VPS45: variants seen among roughly 807,000 people sequenced by gnomAD.
The protein encoded by VPS45 is vacuolar protein sorting 45 homolog, also known as vacuolar protein sorting-associated protein 45.
Under a neutral mutation model 75.9 loss-of-function variants are expected in VPS45, and 35 were observed. The ratio of observed to expected loss-of-function variants is 0.46; its 90% CI spans 0.35 to 0.61. The LOEUF (loss-of-function observed/expected upper bound fraction) is 0.61. Among genes scored for constraint, VPS45 ranks in the 20% least tolerant of loss-of-function variants. The pLI is 0.00. For synonymous variants in VPS45, 220 were observed against 238.2 expected (o/e 0.92, Z 0.70); for missense variants, 559 against 685.9 (o/e 0.81, Z 2.07).
intron 14 of VPS45, among the ~76,000 whole-genome samples, chr1:150,128,302 T>TAAAAAAAAAAA (rs56026495): frequency 6.9e-6 from 1 of 145,332 alleles, no homozygotes; most frequent in African/African-American, 2.6e-5. Flanking sequence ...ACCCTTGTCT[T>TAAAAAAAAAAA]AAAAAAAAAA....
chr1:150,076,180 A>G lies in VPS45; in HGVS notation c.290-53A>G. 5 of 1,449,528 alleles carry G rather than the reference A, an allele frequency of 3.4e-6. 1 individual carries two copies. The South Asian group carries it at 6.4e-5, about 19-fold the overall frequency. 89.8% of individuals were successfully genotyped at this position (1,449,528 alleles called of 1,614,324 possible). A position where few individuals can be genotyped will look rare whatever the true frequency, so the allele number is the denominator to read the frequency against. On this transcript the variant is annotated intron_variant, in intron 3 of 14. Coordinates refer to ENST00000644510, the MANE Select transcript of VPS45 (RefSeq NM_007259.5). ...CTTTAACTATCAGGCCCTTTTACAT[A>G]TATTGCAGCAGAAATTATCTCCTTT...
chr1:150,084,750 A>T (rs1209497492), intron 10 of VPS45, among the ~76,000 whole-genome samples: 1 of 152,046 alleles, frequency 6.6e-6, no homozygotes, highest in Admixed American at 6.6e-5. Flanking sequence ...CTTATATCCT[A>T]CCTCTCCTTA....
intron 14 of VPS45, among the ~76,000 whole-genome samples, chr1:150,114,409 A>G (rs937177928): frequency 2.6e-5 from 4 of 151,504 alleles, no homozygotes; most frequent in African/African-American, 9.7e-5. Flanking sequence ...TGGAGGTTGC[A>G]GTGAGCCAAG....
intron 14 of VPS45, among the ~76,000 whole-genome samples, chr1:150,131,129 C>A (rs1018063310): frequency 1.3e-5 from 2 of 152,084 alleles, no homozygotes; most frequent in South Asian, 2.1e-4. Flanking sequence ...TTTATTATAC[C>A]TGTATAGTAT....
intron 14 of VPS45, among the ~76,000 whole-genome samples, chr1:150,141,358 G>A (rs55675915): frequency 0.022 from 3,277 of 152,240 alleles, 97 homozygotes; most frequent in African/African-American, 0.074. Flanking sequence ...GTGGAGTATA[G>A]TGAAAAAGGA....
chr1:150,142,384 A>G (rs1659434439), intron 14 of VPS45, among the ~76,000 whole-genome samples: 1 of 152,220 alleles, frequency 6.6e-6, no homozygotes, highest in Non-Finnish European at 1.5e-5. Flanking sequence ...TCTGACCTCC[A>G]ATTGTGTCTA....
intron 14 of VPS45, among the ~76,000 whole-genome samples, chr1:150,120,303 T>C (rs1163647125): frequency 6.6e-6 from 1 of 152,218 alleles, no homozygotes; most frequent in Non-Finnish European, 1.5e-5. Context: ...TTAATCATGG[T>C]TTCTCTATTT....
intron 14 of VPS45, chr1:150,142,873 G>A (rs1375799930): frequency 4.4e-5 from 20 of 450,012 alleles, no homozygotes; most frequent in Middle Eastern, 6.5e-4. Context: ...GCCTGGTTTC[G>A]AACTCCTGGG....
Position 150,092,086 on chromosome 1 carries a change from G to A in VPS45, c.1254G>A (p.Lys418=). The change falls in exon 11 of 15, where the codon AAG becomes AAA. Residue 418 remains lysine (K), a synonymous_variant. Coordinates refer to ENST00000644510, the MANE Select transcript of VPS45 (RefSeq NM_007259.5). ...MDLRNKGVSE[K]YRKLVSAVVE... Reference sequence around the variant, plus strand: ...TCAGGAATAAAGGTGTTTCTGAGAAGTATCGAAAGGTAACCAGTTTCCATA... The same window carrying A: ...TCAGGAATAAAGGTGTTTCTGAGAAATATCGAAAGGTAACCAGTTTCCATA... 1 of 1,612,944 alleles carries A rather than the reference G, an allele frequency of 6.2e-7. No homozygotes were observed. Among genetic ancestry groups the A allele is most frequent in the East Asian group, 2.2e-5 (1 of 44,868 alleles).
At chr1:150,116,602 A>G (rs1657944357) in intron 14 of VPS45, among the ~76,000 whole-genome samples, 1 of 152,164 alleles carries the variant, frequency 6.6e-6, no homozygotes, top group Non-Finnish European at 1.5e-5. Flanking sequence ...TTGAATGCCT[A>G]ATGCTGCATT....
At chr1:150,094,360 A>G (rs990277658) in intron 13 of VPS45, among the ~76,000 whole-genome samples, 3 of 152,206 alleles carry the variant, frequency 2.0e-5, no homozygotes, top group Non-Finnish European at 4.4e-5. Flanking sequence ...TACTGTTGAC[A>G]TAATTCTTCT....
rs1480273528 is a variant in VPS45 at position 150,092,872 on chromosome 1, C to T, written c.1371+463C>T. ...TTTTTTTTTTTTTGAGACGGAGTCT[C>T]GCTCTGTCTCCCAGGCTGGAGTGCA... On this transcript the variant is annotated intron_variant, in intron 12 of 14. Transcript: ENST00000644510. Among the ~76,000 whole-genome samples the T allele has an allele frequency of 4.4e-4, 50 of 112,732 alleles. No homozygotes were observed. The Admixed American group carries it at 6.0e-3, about 14-fold the overall frequency. 74.0% of individuals were successfully genotyped at this position (112,732 alleles called of 152,430 possible).
intron 13 of VPS45, among the ~76,000 whole-genome samples, chr1:150,102,252 AAAC>A (rs1279564620): frequency 2.8e-5 from 4 of 142,262 alleles, no homozygotes; most frequent in Non-Finnish European, 4.5e-5. Context: ...AAAAAAAAAA[AAAC>A]AAACACATGC....
intron 14 of VPS45, among the ~76,000 whole-genome samples, chr1:150,142,014 T>C (rs782318761): frequency 1.3e-5 from 2 of 152,200 alleles, no homozygotes; most frequent in African/African-American, 2.4e-5. Context: ...AAATTTGGGG[T>C]ACAGCTAGCA....
chr1:150,077,555 T>G (rs1206627720), intron 6 of VPS45, 114 bp from the exon 7 acceptor site: 6 of 774,356 alleles, frequency 7.7e-6, no homozygotes, highest in African/African-American at 3.5e-5. Flanking sequence ...ATATGGAAGA[T>G]CTATGTGGGT....
intron 14 of VPS45, among the ~76,000 whole-genome samples, chr1:150,136,001 C>A (rs1659070783): frequency 6.6e-6 from 1 of 150,868 alleles, no homozygotes; most frequent in South Asian, 2.1e-4. Context: ...GTAATCCCAG[C>A]ACCTTGGGAG....
intron 14 of VPS45, among the ~76,000 whole-genome samples, chr1:150,119,090 G>T (rs587700843): frequency 6.6e-6 from 1 of 152,270 alleles, no homozygotes; most frequent in East Asian, 1.9e-4. Flanking sequence ...GAAGATTATG[G>T]AATTTATATT....
At chr1:150,122,465 G>C (rs1658286180) in intron 14 of VPS45, among the ~76,000 whole-genome samples, 1 of 152,084 alleles carries the variant, frequency 6.6e-6, no homozygotes, top group Non-Finnish European at 1.5e-5. Context: ...TGAGCAAGAG[G>C]AGTAGAAAGA....
At chr1:150,071,406 G>A (rs11583720) in intron 2 of VPS45, among the ~76,000 whole-genome samples, 23,771 of 152,076 alleles carry the variant, frequency 0.16, 2,033 homozygotes, top group African/African-American at 0.19. Context: ...ATCCCAATAA[G>A]TTAAAAGCCA....
Sources: allele counts gnomAD v4.1 joint callset (sites outside exome capture counted in the v4.1 genomes callset), GRCh38; gene constraint gnomAD v4.1.1; transcripts MANE v1.5; gene names NCBI Gene and HGNC (gene_info 2026-07-23, HGNC 2026-07-21).